Variants in DYNC2H1 observed in about 807,000 individuals in gnomAD.
DYNC2H1 encodes cytoplasmic dynein 2 heavy chain 1.
Under a neutral mutation model 570.0 loss-of-function variants are expected in DYNC2H1, and 410 were observed. That is an observed-to-expected ratio of 0.72 (90% confidence interval 0.66 to 0.78). The LOEUF (loss-of-function observed/expected upper bound fraction) is 0.78, where lower values mean the gene tolerates loss of function less well. DYNC2H1 is among the 30% of genes least tolerant of loss of function. DYNC2H1 has a pLI of 0.00. For synonymous variants in DYNC2H1, 1,688 were observed against 1,677.6 expected (o/e 1.01, Z -0.15); for missense variants, 4,865 against 5,046.4 (o/e 0.96, Z 1.09).
intron 85 of DYNC2H1, 95 bp downstream of exon 85, chr11:103,436,127 T>A: frequency 9.8e-7 from 1 of 1,019,210 alleles, no homozygotes; most frequent in Non-Finnish European, 1.4e-6. Context: ...AGAATTACAC[T>A]ATGATTTTGC....
rs1859154591 is a variant in DYNC2H1, at chr11:103,129,437, C to G, written c.1953+432C>G. On this transcript the variant is annotated intron_variant, in intron 13 of 88. Coordinates refer to ENST00000375735, the MANE Select transcript of DYNC2H1 (RefSeq NM_001377.3). This position sits in a 1 kb window ranked among gnomAD's most constrained non-coding sequence, Gnocchi z 4.1. ...GTGGCTTACGCCTGTCATCCCAGCA[C>G]TTTCGAGGCCGAGGCGGGTGGATCA... Among the ~76,000 whole-genome samples, 1 of 152,186 alleles carries G rather than the reference C, an allele frequency of 6.6e-6. No individual in the cohort carries two copies. The highest frequency in any genetic ancestry group is 2.4e-5 in the African/African-American group (1 of 41,444).
At chr11:103,191,866 A>T (rs1862329625) in intron 46 of DYNC2H1, among the ~76,000 whole-genome samples, 1 of 152,012 alleles carries the variant, frequency 6.6e-6, no homozygotes, top group South Asian at 2.1e-4. Context: ...TACTTTCTGG[A>T]ATTATTTTTG....
At chr11:103,354,659 A>G (rs1161392236) in intron 82 of DYNC2H1, among the ~76,000 whole-genome samples, 1 of 152,142 alleles carries the variant, frequency 6.6e-6, no homozygotes, top group East Asian at 1.9e-4. Flanking sequence ...AAAAAAACTC[A>G]TATTTTATAT....
intron 61 of DYNC2H1, among the ~76,000 whole-genome samples, 187 bp from the exon 62 acceptor site, chr11:103,235,485 A>G (rs887511123): frequency 1.3e-5 from 2 of 151,962 alleles, no homozygotes; most frequent in Admixed American, 1.3e-4. Flanking sequence ...TTAGGATTTT[A>G]TACTTTTAAA....
intron 11 of DYNC2H1, 54 bp downstream of exon 11, chr11:103,123,054 A>C (rs942757776): frequency 8.1e-7 from 1 of 1,232,068 alleles, no homozygotes; most frequent in Non-Finnish European, 1.0e-6. Context: ...TATTAATCCA[A>C]ATACCCAGAG....
chr11:103,440,718 C>A (rs2135765670), intron 85 of DYNC2H1, among the ~76,000 whole-genome samples: 1 of 152,216 alleles, frequency 6.6e-6, no homozygotes, highest in South Asian at 2.1e-4. Context: ...CAATCTAGAA[C>A]CACTTAGTGT....
chr11:103,121,067 T>C lies in DYNC2H1; in HGVS notation c.1360+31T>C, dbSNP rs758407466. ...AGTTTATGAGATTATAGTGTTTGCT[T>C]GAGAGAATATTTTTGTATATTACTT... On this transcript the variant is annotated intron_variant, in intron 9 of 88. Coordinates refer to ENST00000375735, the MANE Select transcript of DYNC2H1 (RefSeq NM_001377.3). 2.9e-6 allele frequency: 4 copies of C among 1,360,010 alleles called. No homozygotes were observed. In the African/African-American group the frequency reaches 6.0e-5, roughly 20 times the overall value. 84.2% of individuals were successfully genotyped at this position (1,360,010 alleles called of 1,614,324 possible).
At chr11:103,274,916 G>A (rs1200938176) in intron 70 of DYNC2H1, among the ~76,000 whole-genome samples, 8 of 151,836 alleles carry the variant, frequency 5.3e-5, no homozygotes, top group Non-Finnish European at 7.4e-5. Context: ...TCAACATGGC[G>A]AAACCCCGTC....
intron 20 of DYNC2H1, among the ~76,000 whole-genome samples, chr11:103,150,779 G>A (rs1860495512): frequency 6.6e-6 from 1 of 152,156 alleles, no homozygotes; most frequent in South Asian, 2.1e-4. Flanking sequence ...CATAAATGGA[G>A]TGGGAGGAAA....
rs200752422 is a variant in DYNC2H1 at position 103,186,760 on chromosome 11, CA to C, written c.6893+273del. Among the ~76,000 whole-genome samples the C allele has an allele frequency of 2.8e-3, 387 of 136,114 alleles. No homozygotes were observed. The highest frequency in any genetic ancestry group is 0.024 in the Middle Eastern group (6 of 252). The allele number at this position is 136,114 out of a possible 152,430, so 89.3% of individuals were successfully genotyped here. ...AAAATTATCCGTCCATATAATACAG[CA>C]AAAAAAAAAAAAAGAATGCCTTATA... On this transcript the variant is annotated intron_variant, in intron 42 of 88. Transcript: ENST00000375735. The surrounding 1 kb of genome is among the most constrained non-coding windows in gnomAD (Gnocchi z 4.5).
chr11:103,412,541 TATTGATTA>T (rs527391627), intron 84 of DYNC2H1, among the ~76,000 whole-genome samples: 40 of 152,280 alleles, frequency 2.6e-4, no homozygotes, highest in African/African-American at 9.1e-4. Context: ...TAATAGGTTG[TATTGATTA>T]ATTGAACCCC....
intron 83 of DYNC2H1, among the ~76,000 whole-genome samples, chr11:103,373,089 G>A (rs1011679984): frequency 4.6e-5 from 7 of 152,010 alleles, no homozygotes; most frequent in African/African-American, 1.2e-4. Flanking sequence ...GACTACAGTC[G>A]TGCACCACCA....
At chr11:103,427,019 C>T (rs1943698075) in intron 84 of DYNC2H1, among the ~76,000 whole-genome samples, 1 of 152,078 alleles carries the variant, frequency 6.6e-6, no homozygotes, top group African/African-American at 2.4e-5. Flanking sequence ...AATCAAAACT[C>T]AATACTACTA....
chr11:103,223,189 C>A, intron 59 of DYNC2H1, 103 bp downstream of exon 59: 2 of 1,169,772 alleles, frequency 1.7e-6, no homozygotes, highest in Non-Finnish European at 2.2e-6. Context: ...TGTAAAATGG[C>A]AGTTGACAAT....
At chr11:103,438,931 C>T (rs1414084261) in intron 85 of DYNC2H1, among the ~76,000 whole-genome samples, 6 of 151,976 alleles carry the variant, frequency 3.9e-5, no homozygotes, top group Non-Finnish European at 8.8e-5. Context: ...ATCGCTTGAG[C>T]CCAAGAGTTC....
At chr11:103,428,142 G>A (rs1436722609) in intron 84 of DYNC2H1, among the ~76,000 whole-genome samples, 2 of 150,278 alleles carry the variant, frequency 1.3e-5, no homozygotes, top group African/African-American at 4.9e-5. Flanking sequence ...GGGACAACAG[G>A]CATCATTAGT....
intron 36 of DYNC2H1, among the ~76,000 whole-genome samples, chr11:103,176,017 G>C (rs887645161): frequency 6.6e-6 from 1 of 151,990 alleles, no homozygotes; most frequent in African/African-American, 2.4e-5. Flanking sequence ...TGAATTCTAT[G>C]GGAAAGAGTT....
Position 103,184,480 on chromosome 11 carries a change from G to A in DYNC2H1, c.6478-416G>A, listed in dbSNP as rs553135475. Among the ~76,000 whole-genome samples the A allele has an allele frequency of 4.5e-4, 68 of 151,928 alleles. 1 individual carries two copies. Among genetic ancestry groups the A allele is most frequent in the African/African-American group, 1.6e-3 (65 of 41,510 alleles). On this transcript the variant is annotated intron_variant, in intron 40 of 88. Transcript: ENST00000375735. ...ATTCTTTCAGAGAAAGCTCCATGTG[G>A]TTTGTCATTTATGCCTGCTTTTTCT...
At position 103,129,129 on chromosome 11, in the gene DYNC2H1, C is replaced by A; in HGVS notation, c.1953+124C>A. On this transcript the variant is annotated intron_variant, in intron 13 of 88. Coordinates refer to ENST00000375735, the MANE Select transcript of DYNC2H1 (RefSeq NM_001377.3). This position sits in a 1 kb window ranked among gnomAD's most constrained non-coding sequence, Gnocchi z 4.1. Reference sequence around the variant, plus strand: ...CTAGATTTTGTTTTGCTTCCAGGGACTTCCTTCAATCTTAGCAAGTAAAAT... The same window carrying A: ...CTAGATTTTGTTTTGCTTCCAGGGAATTCCTTCAATCTTAGCAAGTAAAAT... 1 of 719,772 alleles carries A rather than the reference C, an allele frequency of 1.4e-6. No individual in the cohort carries two copies. The highest frequency in any genetic ancestry group is 2.2e-6 in the Non-Finnish European group (1 of 455,632). 44.6% of individuals were successfully genotyped at this position (719,772 alleles called of 1,614,324 possible).
Sources: allele counts gnomAD v4.1 joint callset (sites outside exome capture counted in the v4.1 genomes callset), GRCh38; gene constraint gnomAD v4.1.1; non-coding constraint Gnocchi (gnomAD v3.1); transcripts MANE v1.5; gene names NCBI Gene and HGNC (gene_info 2026-07-23, HGNC 2026-07-21).